Variants in SH3RF3 observed in about 807,000 individuals in gnomAD.
The protein encoded by SH3RF3 is SH3 domain containing ring finger 3.
In SH3RF3, 29 loss-of-function variants were observed where a neutral mutation model predicts 66.3. The ratio of observed to expected loss-of-function variants is 0.44; its 90% confidence interval spans 0.33 to 0.60. SH3RF3 has a LOEUF of 0.60. Among genes scored for constraint, SH3RF3 ranks in the 20% least tolerant of loss-of-function variants. SH3RF3 has a pLI of 0.04. For missense variants in SH3RF3, 1,194 were observed against 1,190.9 expected (o/e 1.00, Z -0.04); for synonymous variants, 583 against 532.0 (o/e 1.10, Z -1.32).
At chr2:109,156,732 C>T (rs1016658896) in intron 1 of SH3RF3, among the ~76,000 whole-genome samples, 2 of 152,116 alleles carry the variant, frequency 1.3e-5, no homozygotes, top group Admixed American at 6.5e-5. Context: ...CATGAGCCAC[C>T]GTGCCCGGCC....
At chr2:109,160,984 G>C (rs552308654) in intron 1 of SH3RF3, among the ~76,000 whole-genome samples, 1 of 152,266 alleles carries the variant, frequency 6.6e-6, no homozygotes, top group South Asian at 2.1e-4. Flanking sequence ...GAGAGGTGGG[G>C]GATCCCTGGG....
intron 1 of SH3RF3, among the ~76,000 whole-genome samples, chr2:109,148,735 C>A (rs1677156101): frequency 6.6e-6 from 1 of 152,220 alleles, no homozygotes; most frequent in South Asian, 2.1e-4. Context: ...GAATTGAGTT[C>A]TGAAGTTACT....
At chr2:109,343,227 T>C (rs1337923133) in intron 1 of SH3RF3, among the ~76,000 whole-genome samples, 1 of 152,190 alleles carries the variant, frequency 6.6e-6, no homozygotes, top group Non-Finnish European at 1.5e-5. Flanking sequence ...GACTAATTAG[T>C]TAATCTTATA....
intron 1 of SH3RF3, among the ~76,000 whole-genome samples, chr2:109,133,899 C>T (rs1676756452): frequency 6.6e-6 from 1 of 152,138 alleles, no homozygotes; most frequent in Non-Finnish European, 1.5e-5. Context: ...CCTTGCCAGG[C>T]TGTAGTCTCT....
At chr2:109,471,582 T>C (rs528687520) in intron 8 of SH3RF3, among the ~76,000 whole-genome samples, 18 of 152,218 alleles carry the variant, frequency 1.2e-4, no homozygotes, top group African/African-American at 4.3e-4. Context: ...AGTGGCAAAA[T>C]TCATCATTGG....
At chr2:109,210,810 T>C (rs963702537) in intron 1 of SH3RF3, among the ~76,000 whole-genome samples, 2 of 152,146 alleles carry the variant, frequency 1.3e-5, no homozygotes, top group East Asian at 3.9e-4. Context: ...AAAGCATGAG[T>C]CACTACAAAA....
intron 1 of SH3RF3, among the ~76,000 whole-genome samples, chr2:109,222,000 G>A (rs1332151792): frequency 1.3e-5 from 2 of 152,006 alleles, no homozygotes; most frequent in African/African-American, 4.8e-5. Context: ...AAAACACAGG[G>A]GATACTATTC....
intron 8 of SH3RF3, among the ~76,000 whole-genome samples, chr2:109,488,055 C>G (rs906047183): frequency 2.0e-5 from 3 of 152,214 alleles, no homozygotes; most frequent in Non-Finnish European, 2.9e-5. Flanking sequence ...CAAGGCCACC[C>G]AGGTCTCCTG....
intron 1 of SH3RF3, among the ~76,000 whole-genome samples, 190 bp downstream of exon 1, chr2:109,130,303 G>T (rs1385393448): frequency 6.6e-6 from 1 of 152,222 alleles, no homozygotes; most frequent in Non-Finnish European, 1.5e-5. Context: ...CTCGCCGCTT[G>T]TTCACGTGTG....
chr2:109,280,740 G>A (rs1490816267), intron 1 of SH3RF3, among the ~76,000 whole-genome samples: 1 of 152,212 alleles, frequency 6.6e-6, no homozygotes, highest in Non-Finnish European at 1.5e-5. Context: ...GGGCTCACCC[G>A]ATGAGGGCTG....
At chr2:109,476,918 A>G (rs1214086013) in intron 8 of SH3RF3, among the ~76,000 whole-genome samples, 2 of 152,284 alleles carry the variant, frequency 1.3e-5, no homozygotes, top group African/African-American at 4.8e-5. Context: ...ATGGGAGTGT[A>G]GCAGTGAGGA....
chr2:109,370,038 A>G (rs1398253350), intron 2 of SH3RF3, among the ~76,000 whole-genome samples: 1 of 152,108 alleles, frequency 6.6e-6, no homozygotes. Context: ...TCTAGCAGAG[A>G]ACAAATAACG....
intron 1 of SH3RF3, among the ~76,000 whole-genome samples, chr2:109,214,675 T>G (rs1309162192): frequency 6.6e-6 from 1 of 152,132 alleles, no homozygotes; most frequent in African/African-American, 2.4e-5. Flanking sequence ...ATCTGTGGGC[T>G]CTCTCTGTCC....
chr2:109,399,604 C>T (rs1303448400), intron 4 of SH3RF3, among the ~76,000 whole-genome samples: 5 of 152,104 alleles, frequency 3.3e-5, no homozygotes, highest in Non-Finnish European at 7.3e-5. Flanking sequence ...CCTGTCTCTA[C>T]AAGCAACCAA....
chr2:109,246,021 G>A (rs1374242475), intron 1 of SH3RF3, among the ~76,000 whole-genome samples: 1 of 152,202 alleles, frequency 6.6e-6, no homozygotes, highest in Non-Finnish European at 1.5e-5. Flanking sequence ...AAAGAGCATG[G>A]ATTTTTGAAA....
chr2:109,306,659 G>A (rs1468092570), intron 1 of SH3RF3, among the ~76,000 whole-genome samples: 1 of 152,200 alleles, frequency 6.6e-6, no homozygotes, highest in African/African-American at 2.4e-5. Flanking sequence ...GCAGTCGGTG[G>A]ACCCCAAATG....
At chr2:109,263,373 G>GTTTATTTTGTC (rs1258296973) in intron 1 of SH3RF3, among the ~76,000 whole-genome samples, 1 of 152,146 alleles carries the variant, frequency 6.6e-6, no homozygotes, top group Non-Finnish European at 1.5e-5. Context: ...TCTGGAATGT[G>GTTTATTTTGTC]TTTATTTTGT....
chr2:109,369,031 C>T (rs559853717), intron 2 of SH3RF3, among the ~76,000 whole-genome samples: 1 of 152,136 alleles, frequency 6.6e-6, no homozygotes, highest in Non-Finnish European at 1.5e-5. Flanking sequence ...CTCTAGTGTC[C>T]TCGTGGTGTT....
chr2:109,358,621 A>G (rs1682998858), intron 2 of SH3RF3, among the ~76,000 whole-genome samples: 1 of 152,244 alleles, frequency 6.6e-6, no homozygotes, highest in South Asian at 2.1e-4. Context: ...TTGACTCACC[A>G]TTCAATCAGA....
Sources: gnomAD v4.1 joint callset for allele counts (sites outside exome capture counted in the v4.1 genomes callset) on GRCh38, gnomAD v4.1.1 for gene constraint, MANE v1.5 for transcripts, NCBI Gene and HGNC (gene_info 2026-07-23, HGNC 2026-07-21) for gene names.